The following DYNC2I2 variants were observed in gnomAD, a reference collection of about 807,000 sequenced individuals.
DYNC2I2 encodes cytoplasmic dynein 2 intermediate chain 2.
A neutral mutation model predicts 52.0 loss-of-function variants in DYNC2I2; 39 were observed. That is an observed-to-expected ratio of 0.75 (90% CI 0.58 to 0.98). DYNC2I2 has a LOEUF of 0.98. Ranked by LOEUF, DYNC2I2 falls within the 50% of genes least tolerant of loss-of-function variation. The pLI is 0.00. For synonymous variants in DYNC2I2, 359 were observed against 321.1 expected, an observed-to-expected ratio of 1.12 and a Z score of -1.26; for missense variants, 743 against 728.4, an observed-to-expected ratio of 1.02 and a Z score of -0.23.
the DYNC2I2 span, among the ~76,000 whole-genome samples, chr9:128,667,470 C>T: frequency 0.021 from 3,038 of 146,498 alleles, 35 homozygotes; most frequent in Non-Finnish European, 0.03. Context: ...GGACTACAGG[C>T]GCCCGCCACC....
rs1564338206 is a variant in DYNC2I2 at position 128,634,709 on chromosome 9, C to G, written c.1194G>C (p.Val398=). 6.3e-7 allele frequency: 1 copy of G among 1,578,544 alleles called. No individual in the cohort carries two copies. Among genetic ancestry groups the G allele is most frequent in the Non-Finnish European group, 8.6e-7 (1 of 1,162,364 alleles). ...CGTACCTGTGGAAGGGGGAACAGCTCACAGAGTAGATGGGACCGCCGTGGG... is the reference window on the plus strand; with the variant it reads ...CGTACCTGTGGAAGGGGGAACAGCTGACAGAGTAGATGGGACCGCCGTGGG... ...FSPHGGPIYS[V]SCSPFHRNLF... is the part of the protein sequence containing the mutation. Residue 398 remains valine (V), a synonymous_variant, in exon 7 of 9, where the codon GTG becomes GTC. Coordinates refer to ENST00000372715, the MANE Select transcript of DYNC2I2 (RefSeq NM_052844.4).
intron 1 of DYNC2I2, among the ~76,000 whole-genome samples, chr9:128,643,163 T>C (rs1347340868): frequency 6.6e-6 from 1 of 151,944 alleles, no homozygotes; most frequent in East Asian, 1.9e-4. Context: ...AGCAAGAGGA[T>C]CACTTGAGTC....
At chr9:128,679,017 C>T in the DYNC2I2 span, among the ~76,000 whole-genome samples, 1 of 151,960 alleles carries the variant, frequency 6.6e-6, no homozygotes, top group Non-Finnish European at 1.5e-5. Context: ...TGCAGTGAGC[C>T]GAGATTGCGT....
At chr9:128,654,559 CT>C (rs572234862) in intron 1 of DYNC2I2, among the ~76,000 whole-genome samples, 1 of 152,068 alleles carries the variant, frequency 6.6e-6, no homozygotes, top group Middle Eastern at 3.4e-3. Context: ...TTGCACTGAC[CT>C]TTTTTTCCCC....
intron 7 of DYNC2I2, 30 bp from the exon 8 acceptor site, chr9:128,634,413 G>A (rs907161964): frequency 2.5e-5 from 39 of 1,554,662 alleles, no homozygotes; most frequent in Non-Finnish European, 3.2e-5. Flanking sequence ...CCAGGCAAGG[G>A]AATCAGTGCT....
At chr9:128,647,355 T>C (rs1860634828) in intron 1 of DYNC2I2, among the ~76,000 whole-genome samples, 2 of 152,046 alleles carry the variant, frequency 1.3e-5, no homozygotes, top group South Asian at 2.1e-4. Flanking sequence ...AAATGGGGCA[T>C]GGGAGTCAGG....
chr9:128,683,574 T>G, the DYNC2I2 span: 13 of 273,560 alleles, frequency 4.8e-5, no homozygotes, highest in Non-Finnish European at 7.5e-5. Flanking sequence ...GCTGCGGGGG[T>G]TTCACGTGAA....
At chr9:128,665,454 A>G in the DYNC2I2 span, among the ~76,000 whole-genome samples, 1 of 152,068 alleles carries the variant, frequency 6.6e-6, no homozygotes, top group Non-Finnish European at 1.5e-5. Context: ...AAAAGTACTT[A>G]ATCAACACGT....
the DYNC2I2 span, among the ~76,000 whole-genome samples, chr9:128,679,901 A>G: frequency 6.6e-6 from 1 of 152,146 alleles, no homozygotes; most frequent in Non-Finnish European, 1.5e-5. Flanking sequence ...CCTAAGATTC[A>G]TGAATGAAAT....
intron 1 of DYNC2I2, among the ~76,000 whole-genome samples, chr9:128,643,846 A>C (rs1203540558): frequency 6.6e-6 from 1 of 152,200 alleles, no homozygotes; most frequent in East Asian, 1.9e-4. Context: ...CTTTGGACTC[A>C]GATGCCTCAG....
chr9:128,643,551 G>A (rs1860557802), intron 1 of DYNC2I2, among the ~76,000 whole-genome samples: 1 of 151,742 alleles, frequency 6.6e-6, no homozygotes, highest in African/African-American at 2.4e-5. Flanking sequence ...AAATTGCCAG[G>A]CATGACGGCG....
At chr9:128,638,610 G>A (rs778691009) in intron 2 of DYNC2I2, among the ~76,000 whole-genome samples, 5 of 152,052 alleles carry the variant, frequency 3.3e-5, no homozygotes, top group Non-Finnish European at 7.4e-5. Context: ...CACACCCCGC[G>A]CACTGCTGCA....
At chr9:128,680,906 C>T in the DYNC2I2 span, among the ~76,000 whole-genome samples, 3 of 151,550 alleles carry the variant, frequency 2.0e-5, no homozygotes, top group South Asian at 6.3e-4. Context: ...AAACTCCTGA[C>T]CTCAAGTGAT....
the DYNC2I2 span, among the ~76,000 whole-genome samples, chr9:128,672,252 G>C: frequency 7.2e-5 from 11 of 152,098 alleles, no homozygotes; most frequent in African/African-American, 2.7e-4. Flanking sequence ...TTACAGGTGT[G>C]AGCCACCGCG....
the DYNC2I2 span, among the ~76,000 whole-genome samples, chr9:128,672,403 A>G: frequency 6.6e-6 from 1 of 151,912 alleles, no homozygotes; most frequent in East Asian, 2.0e-4. Context: ...CATGTTGGCC[A>G]GGCTAGTCTC....
intron 1 of DYNC2I2, among the ~76,000 whole-genome samples, chr9:128,649,449 G>A (rs982047302): frequency 6.7e-6 from 1 of 149,930 alleles, no homozygotes; most frequent in Admixed American, 6.7e-5. Flanking sequence ...AGCACTTTGG[G>A]AGGCCAAGGT....
At chr9:128,642,388 G>A (rs1307470335) in intron 1 of DYNC2I2, among the ~76,000 whole-genome samples, 9 of 150,774 alleles carry the variant, frequency 6.0e-5, no homozygotes, top group South Asian at 2.1e-4. Context: ...CCCGGGAGGC[G>A]GAGGTTGCAC....
chr9:128,640,422 G>A (rs542953991), intron 2 of DYNC2I2, among the ~76,000 whole-genome samples: 42 of 152,184 alleles, frequency 2.8e-4, no homozygotes, highest in Non-Finnish European at 5.7e-4. Context: ...CTGCTCAGCT[G>A]CTCAGTTTCA....
chr9:128,635,298 G>A, intron 5 of DYNC2I2, 39 bp from the exon 6 acceptor site: 1 of 1,602,380 alleles, frequency 6.2e-7, no homozygotes, highest in Non-Finnish European at 8.5e-7. Context: ...GGAGACAAGG[G>A]ACACCTGCCC....
Sources: gnomAD v4.1 joint callset for allele counts (sites outside exome capture counted in the v4.1 genomes callset) on GRCh38, gnomAD v4.1.1 for gene constraint, MANE v1.5 for transcripts, NCBI Gene and HGNC (gene_info 2026-07-23, HGNC 2026-07-21) for gene names.